Variants in INTS7 observed in about 807,000 individuals in gnomAD.
INTS7 encodes integrator complex subunit 7.
INTS7 carries 46 observed loss-of-function variants against 109.2 expected under a neutral mutation model. The ratio of observed to expected loss-of-function variants is 0.42; its 90% CI spans 0.33 to 0.54. The LOEUF (loss-of-function observed/expected upper bound fraction) is 0.54. Among genes scored for constraint, INTS7 ranks in the 20% least tolerant of loss-of-function variants. The probability of loss-of-function intolerance (pLI) is 0.07; values close to 1 mark genes in which losing one functional copy is unlikely to be tolerated. For missense variants in INTS7, 929 were observed against 1,132.4 expected, an observed-to-expected ratio of 0.82 and a Z score of 2.58; for synonymous variants, 412 against 402.9, an observed-to-expected ratio of 1.02 and a Z score of -0.27.
Position 211,942,079 on chromosome 1 carries a change from C to T in INTS7, c.2634G>A (p.Glu878=). 2 of 1,614,100 alleles carry T rather than the reference C, an allele frequency of 1.2e-6. No homozygotes were observed. The highest frequency in any genetic ancestry group is 1.7e-6 in the Non-Finnish European group (2 of 1,179,948). The change falls in exon 20 of 20, where the codon GAG becomes GAA. Residue 878 remains glutamate (E), a synonymous_variant. Transcript: ENST00000366994. The surrounding 1 kb of genome is among the most constrained non-coding windows in gnomAD (Gnocchi z 4.2). ...AATCATTATGAGGTTCAACCCTTTG[C>T]TCCATCTCATTGGTCATGTTGTCAA... ...IPIDNMTNEM[E]QRVEPHNDYF...
intron 14 of INTS7, 45 bp from the exon 15 acceptor site, chr1:211,968,026 T>C (rs1329887111): frequency 9.5e-7 from 1 of 1,056,002 alleles, no homozygotes; most frequent in East Asian, 2.6e-5. Context: ...GCTATCATTA[T>C]TGTATAAACA....
chr1:211,991,669 T>C (rs1051162765), intron 7 of INTS7, among the ~76,000 whole-genome samples: 19 of 152,236 alleles, frequency 1.2e-4, no homozygotes, highest in Middle Eastern at 3.2e-3. Context: ...TTGTGACCCA[T>C]ACAGGCTACT....
rs1558032852 is a variant in INTS7 at position 211,971,575 on chromosome 1, C to A, written c.1816-2868G>T. On this transcript the variant is annotated intron_variant, in intron 13 of 19. Transcript: ENST00000366994. The stretch of plus-strand genomic sequence containing the variant: ...TTTTTACATAAAATTCAAAAACAAG[C>A]AACATAAAACAGAACTTTCTTTAGA... Among the ~76,000 whole-genome samples, 7 of 152,064 alleles carry A rather than the reference C, an allele frequency of 4.6e-5. No homozygotes were observed. In the South Asian group the frequency reaches 1.5e-3, roughly 32 times the overall value.
At chr1:211,974,578 AC>A (rs1405929899) in intron 13 of INTS7, among the ~76,000 whole-genome samples, 1 of 152,116 alleles carries the variant, frequency 6.6e-6, no homozygotes, top group Admixed American at 6.6e-5. Context: ...TTGCATTAAT[AC>A]AAAAAATGCT....
At chr1:212,013,015 T>C (rs1666227274) in intron 4 of INTS7, among the ~76,000 whole-genome samples, 1 of 152,206 alleles carries the variant, frequency 6.6e-6, no homozygotes, top group South Asian at 2.1e-4. Flanking sequence ...AATTATTCCC[T>C]AGGCACAACT....
At chr1:211,994,947 A>C (rs1485430466) in intron 7 of INTS7, among the ~76,000 whole-genome samples, 2 of 152,170 alleles carry the variant, frequency 1.3e-5, no homozygotes, top group East Asian at 3.9e-4. Flanking sequence ...CAATGCAAAT[A>C]TTATTTTTAA....
chr1:212,024,988 T>C (rs1416162985), intron 1 of INTS7, among the ~76,000 whole-genome samples: 4 of 152,252 alleles, frequency 2.6e-5, no homozygotes, highest in African/African-American at 9.6e-5. Context: ...AACTAGACTT[T>C]ACTAATTTGA....
intron 13 of INTS7, among the ~76,000 whole-genome samples, chr1:211,971,347 G>C (rs1251337882): frequency 1.3e-5 from 2 of 152,220 alleles, no homozygotes; most frequent in African/African-American, 4.8e-5. Context: ...AGAATGTTCA[G>C]AGCAGTATGT....
chr1:211,956,998 TCAAAC>T (rs1292815587), intron 16 of INTS7, among the ~76,000 whole-genome samples: 1 of 152,198 alleles, frequency 6.6e-6, no homozygotes, highest in Non-Finnish European at 1.5e-5. Context: ...TATGACATTG[TCAAAC>T]AGTTTTCCAA....
At position 211,987,920 on chromosome 1, in the gene INTS7, G is replaced by C. The variant is rs373260529; in HGVS notation, c.963C>G (p.Thr321=). 9 of 1,608,322 alleles carry C rather than the reference G, an allele frequency of 5.6e-6. No individual in the cohort carries two copies. The highest frequency in any genetic ancestry group is 7.7e-6 in the Non-Finnish European group (9 of 1,175,250). ...MLSVLSTLSG[T]IAIKHYFSIV... ...TACTGAAGTAATGTTTGATGGCGATGGTCCCTGATAGTGTGGAAAGGACAG... is the reference window on the plus strand; with the variant it reads ...TACTGAAGTAATGTTTGATGGCGATCGTCCCTGATAGTGTGGAAAGGACAG... Residue 321 remains threonine, a synonymous_variant, in exon 8 of 20, where the codon ACC becomes ACG. Transcript: ENST00000366994.
At chr1:211,972,326 G>A (rs1664218683) in intron 13 of INTS7, among the ~76,000 whole-genome samples, 1 of 151,970 alleles carries the variant, frequency 6.6e-6, no homozygotes, top group Admixed American at 6.6e-5. Flanking sequence ...AAGTTCCCTG[G>A]TATCCACACC....
chr1:212,025,598 A>C (rs1173873333), intron 1 of INTS7: 1 of 188,940 alleles, frequency 5.3e-6, no homozygotes, highest in Non-Finnish European at 1.2e-5. Context: ...TTAAGAAGCT[A>C]ACATAGAAGG....
At chr1:212,027,650 G>A (rs184567760) in intron 1 of INTS7, among the ~76,000 whole-genome samples, 55 of 152,216 alleles carry the variant, frequency 3.6e-4, no homozygotes, top group African/African-American at 1.2e-3. Context: ...ACATTATTTC[G>A]CACTTAAAGT....
intron 7 of INTS7, among the ~76,000 whole-genome samples, chr1:211,996,640 T>TA (rs1287113206): frequency 3.9e-5 from 6 of 151,934 alleles, no homozygotes; most frequent in Non-Finnish European, 7.4e-5. Flanking sequence ...TCATGGATAT[T>TA]AAAAAAAATC....
rs1662643786 is a variant in INTS7, at chr1:211,941,816, T to G, written c.*8A>C. ...CTCTTGAGAGTCTGCAGTGCATTCATTCCATGGTTAAAACCGTGTGTAGGC... is the reference window on the plus strand; with the variant it reads ...CTCTTGAGAGTCTGCAGTGCATTCAGTCCATGGTTAAAACCGTGTGTAGGC... On this transcript the variant is annotated 3_prime_UTR_variant, in exon 20 of 20. Transcript: ENST00000366994. 6.2e-7 allele frequency: 1 copy of G among 1,612,570 alleles called. No individual in the cohort carries two copies. The highest frequency in any genetic ancestry group is 1.3e-5 in the African/African-American group (1 of 74,902).
At chr1:212,027,199 G>A (rs1249531093) in intron 1 of INTS7, among the ~76,000 whole-genome samples, 1 of 152,186 alleles carries the variant, frequency 6.6e-6, no homozygotes, top group African/African-American at 2.4e-5. Context: ...GTGCTTTAAA[G>A]GCCTATTACT....
intron 1 of INTS7, among the ~76,000 whole-genome samples, chr1:212,022,566 A>C (rs1021771162): frequency 4.6e-5 from 7 of 152,210 alleles, no homozygotes; most frequent in Non-Finnish European, 8.8e-5. Flanking sequence ...CAGGGAAATG[A>C]CAATTTAAAA....
Position 212,007,277 on chromosome 1 carries a change from C to T in INTS7, c.729G>A (p.Ala243=), listed in dbSNP as rs764533461. 2.6e-5 allele frequency: 42 copies of T among 1,613,592 alleles called. No homozygotes were observed. The highest frequency in any genetic ancestry group is 6.7e-5 in the Admixed American group (4 of 59,952). ...VSLHTFTLLA[A]SSLVDTPKQI... ...GCTTAGGTGTATCAACCAAAGATGACGCTGCAAGCAGAGTGAAAGTGTGCA... is the reference window on the plus strand; with the variant it reads ...GCTTAGGTGTATCAACCAAAGATGATGCTGCAAGCAGAGTGAAAGTGTGCA... The change falls in exon 6 of 20, where the codon GCG becomes GCA. Residue 243 remains alanine, a synonymous_variant. Coordinates refer to ENST00000366994, the MANE Select transcript of INTS7 (RefSeq NM_015434.4).
chr1:212,030,921 T>C (rs956318017), intron 1 of INTS7: 4 of 152,226 alleles, frequency 2.6e-5, no homozygotes, highest in African/African-American at 9.6e-5. Context: ...TATTTTGGAA[T>C]ACAGGTGAGG....
Sources: gnomAD v4.1 joint callset for allele counts (sites outside exome capture counted in the v4.1 genomes callset) on GRCh38, gnomAD v4.1.1 for gene constraint, Gnocchi (gnomAD v3.1) non-coding constraint, MANE v1.5 for transcripts, NCBI Gene and HGNC (gene_info 2026-07-23, HGNC 2026-07-21) for gene names.